AQR: variants seen among roughly 807,000 people sequenced by gnomAD.
AQR encodes aquarius intron-binding spliceosomal factor, also known as RNA helicase aquarius.
In AQR, 61 loss-of-function variants were observed where a neutral mutation model predicts 180.5. The ratio of observed to expected loss-of-function variants is 0.34; its 90% CI spans 0.28 to 0.42. The LOEUF (loss-of-function observed/expected upper bound fraction) is 0.42, where lower values mean the gene tolerates loss of function less well. Ranked by LOEUF, AQR falls within the 10% of genes least tolerant of loss-of-function variation. The probability of loss-of-function intolerance (pLI) is 1.00; values close to 1 mark genes in which losing one functional copy is unlikely to be tolerated. For missense variants in AQR, 1,281 were observed against 1,798.3 expected (o/e 0.71, Z 5.20); for synonymous variants, 551 against 588.8 (o/e 0.94, Z 0.93).
At chr15:34,937,902 T>G (rs1197605238) in intron 9 of AQR, among the ~76,000 whole-genome samples, 4 of 150,206 alleles carry the variant, frequency 2.7e-5, no homozygotes, top group Non-Finnish European at 5.9e-5. Flanking sequence ...ATAATAATAA[T>G]TAAACAATTA....
In AQR at chr15:34,882,484, A is replaced by AC; in HGVS notation, c.3165+17dup. ...TAATCTTAAAAAAAAAAAAAAAAAA[A>AC]CTACCATAAGTCTTTACCTTGAAAC... On this transcript the variant is annotated intron_variant, in intron 27 of 34. Coordinates refer to ENST00000156471, the MANE Select transcript of AQR (RefSeq NM_014691.3). 1 of 1,475,252 alleles carries AC rather than the reference A, an allele frequency of 6.8e-7. No homozygotes were observed. Among genetic ancestry groups the AC allele is most frequent in the Non-Finnish European group, 9.0e-7 (1 of 1,111,228 alleles). 91.4% of individuals were successfully genotyped at this position (1,475,252 alleles called of 1,614,324 possible). A position where few individuals can be genotyped will look rare whatever the true frequency, so the allele number is the denominator to read the frequency against.
At chr15:34,870,149 CTTTT>C (rs1892795779) in intron 31 of AQR, 1 of 147,792 alleles carries the variant, frequency 6.8e-6, no homozygotes, top group Admixed American at 6.8e-5. Flanking sequence ...TTTGTCCCCT[CTTTT>C]TCTCATTTTC....
At chr15:34,912,319 T>C (rs547125509) in intron 16 of AQR, among the ~76,000 whole-genome samples, 2 of 151,272 alleles carry the variant, frequency 1.3e-5, no homozygotes, top group Non-Finnish European at 3.0e-5. Context: ...TTAGCATTTA[T>C]TGTAAGGCAG....
At chr15:34,919,659 G>C (rs571684998) in intron 14 of AQR, among the ~76,000 whole-genome samples, 109 of 152,244 alleles carry the variant, frequency 7.2e-4, no homozygotes, top group African/African-American at 2.4e-3. Flanking sequence ...CACTTTGGGA[G>C]GCTGAGGTGG....
At chr15:34,869,228 T>C (rs143698838) in intron 31 of AQR, 1 of 152,296 alleles carries the variant, frequency 6.6e-6, no homozygotes, top group East Asian at 1.9e-4. Flanking sequence ...TGGTATATCA[T>C]TGTAGCTTTA....
rs559074596 is a variant in AQR, at chr15:34,912,069, G to A, written c.1485-1756C>T. ...ATTGTATACTCTTGGCACATGCATCGAAGATTAAATGATTGTACAAGTGTG... is the reference window on the plus strand; with the variant it reads ...ATTGTATACTCTTGGCACATGCATCAAAGATTAAATGATTGTACAAGTGTG... On this transcript the variant is annotated intron_variant, in intron 16 of 34. Coordinates refer to ENST00000156471, the MANE Select transcript of AQR (RefSeq NM_014691.3). 9.9e-5 allele frequency among the ~76,000 whole-genome samples: 15 copies of A among 152,068 alleles called. No individual in the cohort carries two copies. In the East Asian group the frequency reaches 2.5e-3, roughly 25 times the overall value.
chr15:34,938,706 T>C, intron 9 of AQR, 31 bp downstream of exon 9: 1 of 1,359,184 alleles, frequency 7.4e-7, no homozygotes, highest in Non-Finnish European at 1.0e-6. Flanking sequence ...TATGATAATT[T>C]CACAAATGCA....
chr15:34,952,953 A>G, intron 3 of AQR, 33 bp from the exon 4 acceptor site: 1 of 1,250,380 alleles, frequency 8.0e-7, no homozygotes, highest in Non-Finnish European at 1.1e-6. Context: ...AATGTTTAAA[A>G]TAGAGAATAC....
chr15:34,957,608 G>A (rs1183775624), intron 3 of AQR, among the ~76,000 whole-genome samples: 1 of 151,196 alleles, frequency 6.6e-6, no homozygotes, highest in African/African-American at 2.4e-5. Flanking sequence ...GGCTGAGGCA[G>A]GAGAATCACT....
intron 24 of AQR, among the ~76,000 whole-genome samples, chr15:34,889,894 A>G (rs901142117): frequency 1.3e-5 from 2 of 152,258 alleles, no homozygotes; most frequent in African/African-American, 4.8e-5. Flanking sequence ...AATCATTTAA[A>G]GTTGTACAGT....
At position 34,888,127 on chromosome 15, in the gene AQR, G is replaced by A. The variant is rs149083654; in HGVS notation, c.2682-1466C>T. ...AGCCTGGCCAACATGGCAAAACCCC[G>A]TCTCTACTAAAAATACAAACATTAG... On this transcript the variant is annotated intron_variant, in intron 24 of 34. Transcript: ENST00000156471. 6.9e-3 allele frequency among the ~76,000 whole-genome samples: 1,053 copies of A among 151,818 alleles called. 8 individuals are homozygous for A. The highest frequency in any genetic ancestry group is 0.022 in the African/African-American group (927 of 41,388).
rs1892752146 is a variant in AQR at position 34,867,503 on chromosome 15, TG to T, written c.3854+20del. On this transcript the variant is annotated intron_variant, in intron 32 of 34. Transcript: ENST00000156471. ...AGATAGTAAAGTTCAATAAATATTA[TG>T]AAAGTTTTTTCCTACGTACCTCAGA... 6.3e-7 allele frequency: 1 copy of T among 1,590,938 alleles called. No homozygotes were observed.
At chr15:34,884,415 C>CA (rs1014649481) in intron 26 of AQR, 110 bp downstream of exon 26, 21 of 1,040,408 alleles carry the variant, frequency 2.0e-5, no homozygotes, top group Middle Eastern at 3.2e-4. Flanking sequence ...CAAAAAAAAA[C>CA]AAAAAAACAA....
chr15:34,860,400 G>A (rs932392005), intron 33 of AQR, among the ~76,000 whole-genome samples: 4 of 150,598 alleles, frequency 2.7e-5, no homozygotes, highest in Non-Finnish European at 4.4e-5. Context: ...CTGGCCACGT[G>A]ACTCCCATTA....
intron 16 of AQR, among the ~76,000 whole-genome samples, chr15:34,911,520 T>C (rs1893498281): frequency 6.6e-6 from 1 of 152,206 alleles, no homozygotes; most frequent in Non-Finnish European, 1.5e-5. Context: ...CATTGTGGTT[T>C]TGGTATGCAT....
intron 12 of AQR, 125 bp downstream of exon 12, chr15:34,930,132 TA>T: frequency 1.9e-6 from 1 of 525,868 alleles, no homozygotes; most frequent in Non-Finnish European, 3.3e-6. Flanking sequence ...AAAGAAACGT[TA>T]AAAATGTTGA....
At chr15:34,884,231 AC>A (rs1339692459) in intron 26 of AQR, among the ~76,000 whole-genome samples, 1 of 151,922 alleles carries the variant, frequency 6.6e-6, no homozygotes, top group African/African-American at 2.4e-5. Flanking sequence ...ACATGGTGAA[AC>A]CCTGTCTCTA....
At chr15:34,943,023 C>T (rs1894049425) in intron 6 of AQR, 5 of 1,529,246 alleles carry the variant, frequency 3.3e-6, no homozygotes, top group Non-Finnish European at 4.5e-6. Flanking sequence ...TCTATTTGTT[C>T]TGTTTAGTTT....
intron 20 of AQR, among the ~76,000 whole-genome samples, chr15:34,900,227 A>G (rs1566985445): frequency 6.6e-6 from 1 of 152,236 alleles, no homozygotes; most frequent in Admixed American, 6.5e-5. Context: ...GAAAGCACGC[A>G]AAGTTAAAAG....
Sources: allele counts gnomAD v4.1 joint callset (sites outside exome capture counted in the v4.1 genomes callset), GRCh38; gene constraint gnomAD v4.1.1; transcripts MANE v1.5; gene names NCBI Gene and HGNC (gene_info 2026-07-23, HGNC 2026-07-21).